The following TBCEL variants were observed in gnomAD, a reference collection of about 807,000 sequenced individuals.
TBCEL encodes the protein tubulin-specific chaperone cofactor E-like protein.
A neutral mutation model predicts 44.2 loss-of-function variants in TBCEL; 15 were observed. The observed-to-expected ratio is 0.34, with a 90% CI of 0.23 to 0.52. The LOEUF is 0.52. Among genes scored for constraint, TBCEL ranks in the 20% least tolerant of loss-of-function variants. The pLI is 0.95. For synonymous variants in TBCEL, 171 were observed against 185.4 expected (o/e 0.92, Z 0.63); for missense variants, 319 against 506.3 (o/e 0.63, Z 3.55).
intron 1 of TBCEL, among the ~76,000 whole-genome samples, chr11:121,029,385 T>C (rs1211562612): frequency 1.3e-5 from 2 of 152,232 alleles, no homozygotes; most frequent in Admixed American, 6.5e-5. Flanking sequence ...AACTAGTTTA[T>C]TGACCACTTA....
intron 4 of TBCEL, among the ~76,000 whole-genome samples, chr11:121,048,196 T>G (rs1945467733): frequency 6.6e-6 from 1 of 151,844 alleles, no homozygotes; most frequent in African/African-American, 2.4e-5. Context: ...CTTCAATATT[T>G]ATTACTGAAA....
In TBCEL at chr11:121,055,226, T is replaced by G; in HGVS notation, c.630T>G (p.Asn210Lys). The change falls in exon 6 of 9, where the codon AAT becomes AAG. Residue 210 changes from asparagine to lysine, a missense_variant. Coordinates refer to ENST00000683345, the MANE Select transcript of TBCEL (RefSeq NM_001363644.2). The stretch of plus-strand genomic sequence containing the variant: ...TGGATACCCTCGTCCTGGCCAACAA[T>G]CATTTGAATGCTATTGAGGAGCCTG... The part of the protein sequence containing the change: ...PSLDTLVLAN[N>K]HLNAIEEPDD... 1 of 1,612,270 alleles carries G rather than the reference T, an allele frequency of 6.2e-7. No homozygotes were observed. Among genetic ancestry groups the G allele is most frequent in the Non-Finnish European group, 8.5e-7 (1 of 1,178,960 alleles).
chr11:121,060,763 A>G (rs907395595), intron 8 of TBCEL, among the ~76,000 whole-genome samples: 2 of 151,924 alleles, frequency 1.3e-5, no homozygotes, highest in African/African-American at 2.4e-5. Flanking sequence ...GATAACTAGA[A>G]TCGGTTATTG....
intron 8 of TBCEL, among the ~76,000 whole-genome samples, chr11:121,060,591 G>C (rs1015671278): frequency 6.6e-6 from 1 of 151,896 alleles, no homozygotes; most frequent in Non-Finnish European, 1.5e-5. Flanking sequence ...GAAATGCTGA[G>C]GGCTAAATTA....
intron 8 of TBCEL, among the ~76,000 whole-genome samples, chr11:121,065,855 G>T (rs540611390): frequency 6.6e-6 from 1 of 152,094 alleles, no homozygotes; most frequent in Non-Finnish European, 1.5e-5. Flanking sequence ...ACTCCATGTC[G>T]AGGGCTTACA....
Position 121,087,359 on chromosome 11 carries a change from A to C in TBCEL, c.*263A>C. The stretch of plus-strand genomic sequence containing the variant: ...CTCTCTAAGGAAAGATGACAAAGAA[A>C]TCACCGACTTCTTACTGTGTTCACT... On this transcript the variant is annotated 3_prime_UTR_variant, in exon 9 of 9. Coordinates refer to ENST00000683345, the MANE Select transcript of TBCEL (RefSeq NM_001363644.2). 1 of 436,468 alleles carries C rather than the reference A, an allele frequency of 2.3e-6. No homozygotes were observed. Among genetic ancestry groups the C allele is most frequent in the Non-Finnish European group, 4.1e-6 (1 of 241,288 alleles). The allele number at this position is 436,468 out of a possible 1,614,324, so 27.0% of individuals were successfully genotyped here. A position where few individuals can be genotyped will look rare whatever the true frequency, so the allele number is the denominator to read the frequency against.
At position 121,055,174 on chromosome 11, in the gene TBCEL, GA is replaced by G; in HGVS notation, c.581del (p.Lys194SerfsTer2). ...DNNLQDWTEI[R>X]KLGVMFPSLD... ...AACCTCCAAGACTGGACTGAAATAC[GA>G]AAGTTAGGAGTTATGTTTCCTTCAC... On this transcript the variant is annotated frameshift_variant, in exon 6 of 9. Coordinates refer to ENST00000683345, the MANE Select transcript of TBCEL (RefSeq NM_001363644.2). LOFTEE classifies it high-confidence loss of function. The G allele has an allele frequency of 6.2e-7, 1 of 1,612,106 alleles. No individual in the cohort carries two copies. The highest frequency in any genetic ancestry group is 8.5e-7 in the Non-Finnish European group (1 of 1,178,914).
At chr11:121,025,468 G>T (rs568463325) in intron 1 of TBCEL, among the ~76,000 whole-genome samples, 1 of 151,616 alleles carries the variant, frequency 6.6e-6, no homozygotes, top group Non-Finnish European at 1.5e-5. Flanking sequence ...TAGTACATAC[G>T]TAGGTATGAA....
Position 121,087,364 on chromosome 11 carries a change from C to T in TBCEL, c.*268C>T, listed in dbSNP as rs776275032. ...TAAGGAAAGATGACAAAGAAATCACCGACTTCTTACTGTGTTCACTGGGAT... is the reference window on the plus strand; with the variant it reads ...TAAGGAAAGATGACAAAGAAATCACTGACTTCTTACTGTGTTCACTGGGAT... On this transcript the variant is annotated 3_prime_UTR_variant, in exon 9 of 9. Coordinates refer to ENST00000683345, the MANE Select transcript of TBCEL (RefSeq NM_001363644.2). 3 of 419,728 alleles carry T rather than the reference C, an allele frequency of 7.1e-6. No homozygotes were observed. Among genetic ancestry groups the T allele is most frequent in the African/African-American group, 4.0e-5 (2 of 49,764 alleles). The allele number at this position is 419,728 out of a possible 1,614,324, so 26.0% of individuals were successfully genotyped here.
chr11:121,086,819 T>C lies in TBCEL; in HGVS notation c.998T>C (p.Leu333Ser). 6.2e-7 allele frequency: 1 copy of C among 1,613,996 alleles called. No individual in the cohort carries two copies. The highest frequency in any genetic ancestry group is 8.5e-7 in the Non-Finnish European group (1 of 1,179,944). Residue 333 changes from leucine (L) to serine (S), a missense_variant, in exon 9 of 9, where the codon TTG becomes TCG. Transcript: ENST00000683345. ...LITKYGKLEP[L>S]AEVDLRPQSS... ...ACTAAATATGGGAAGTTGGAGCCTT[T>C]GGCAGAAGTGGACCTAAGACCCCAG...
intron 8 of TBCEL, among the ~76,000 whole-genome samples, chr11:121,081,399 T>A (rs1946123064): frequency 6.6e-6 from 1 of 152,236 alleles, no homozygotes; most frequent in Non-Finnish European, 1.5e-5. Context: ...CCAAAGTAGG[T>A]TTATAACACT....
chr11:121,078,814 C>T (rs892445354), intron 8 of TBCEL, among the ~76,000 whole-genome samples: 34 of 152,168 alleles, frequency 2.2e-4, no homozygotes, highest in African/African-American at 8.2e-4. Context: ...TATTTCTGTT[C>T]AGTTTCTGGT....
intron 2 of TBCEL, 44 bp downstream of exon 2, chr11:121,036,656 T>A (rs547016750): frequency 2.0e-5 from 3 of 152,312 alleles, no homozygotes; most frequent in African/African-American, 7.2e-5. Flanking sequence ...TTTTTTCCCC[T>A]CATATTTCTC....
At chr11:121,075,278 A>G (rs1409077186) in intron 8 of TBCEL, among the ~76,000 whole-genome samples, 43 of 151,882 alleles carry the variant, frequency 2.8e-4, no homozygotes, top group Admixed American at 2.8e-3. Flanking sequence ...AAAGGTAGAA[A>G]AGCAATGCAG....
rs762844708 is a variant in TBCEL, at chr11:121,053,621, C to T, written c.344C>T (p.Ser115Leu). 1.2e-6 allele frequency: 2 copies of T among 1,612,248 alleles called. No individual in the cohort carries two copies. The highest frequency in any genetic ancestry group is 8.5e-7 in the Non-Finnish European group (1 of 1,178,926). The change falls in exon 5 of 9, where the codon TCG (serine) becomes TTG (leucine). Residue 115 changes from serine (S) to leucine (L), a missense_variant. Transcript: ENST00000683345. ...LNLSSNPLNLSVLERTCAGSF... is the reference protein window; with the variant it reads ...LNLSSNPLNLLVLERTCAGSF... ...CTGAGTTCCAACCCTCTGAATTTGTCGGTTTTAGAAAGAACATGTGCTGGG... is the reference window on the plus strand; with the variant it reads ...CTGAGTTCCAACCCTCTGAATTTGTTGGTTTTAGAAAGAACATGTGCTGGG...
At position 121,047,616 on chromosome 11, in the gene TBCEL, T is replaced by C. The variant is rs202229726; in HGVS notation, c.222T>C (p.Ala74=). ...AAAAAGAAATTGCTGCTTTCTGCGC[T>C]CATGTGTCGGAACTAGATCTTTCTG... ...GDEKEIAAFC[A]HVSELDLSDN... The change falls in exon 4 of 9, where the codon GCT becomes GCC. Residue 74 remains alanine (A), a synonymous_variant. Transcript: ENST00000683345. 78 of 1,612,760 alleles carry C rather than the reference T, an allele frequency of 4.8e-5. No individual in the cohort carries two copies. Among genetic ancestry groups the C allele is most frequent in the Admixed American group, 4.0e-4 (24 of 59,804 alleles).
intron 4 of TBCEL, among the ~76,000 whole-genome samples, chr11:121,051,395 C>T (rs962863029): frequency 1.3e-5 from 2 of 151,666 alleles, no homozygotes; most frequent in African/African-American, 4.8e-5. Context: ...TTTTATTTAA[C>T]TGGGGTTGTC....
intron 8 of TBCEL, among the ~76,000 whole-genome samples, chr11:121,062,159 A>G (rs555895606): frequency 2.0e-5 from 3 of 152,024 alleles, no homozygotes; most frequent in South Asian, 2.1e-4. Flanking sequence ...CAATATCACT[A>G]TCTTCCACCT....
At chr11:121,068,352 A>G (rs1359912442) in intron 8 of TBCEL, among the ~76,000 whole-genome samples, 1 of 147,606 alleles carries the variant, frequency 6.8e-6, no homozygotes, top group Non-Finnish European at 1.5e-5. Flanking sequence ...GTCATTCTTG[A>G]TTTTTTTTCT....
Sources: gnomAD v4.1 joint callset for allele counts (sites outside exome capture counted in the v4.1 genomes callset) on GRCh38, gnomAD v4.1.1 for gene constraint, MANE v1.5 for transcripts, NCBI Gene and HGNC (gene_info 2026-07-23, HGNC 2026-07-21) for gene names.